Variants in SKAP1 observed in about 807,000 individuals in gnomAD.
SKAP1 encodes src kinase-associated phosphoprotein 1.
SKAP1 carries 44 observed loss-of-function variants against 58.5 expected under a neutral mutation model. That is an observed-to-expected ratio of 0.75 (90% confidence interval 0.59 to 0.97). The LOEUF (loss-of-function observed/expected upper bound fraction) is 0.97, where lower values mean the gene tolerates loss of function less well. Ranked by LOEUF, SKAP1 falls within the 50% of genes least tolerant of loss-of-function variation. The pLI is 0.00. For synonymous variants in SKAP1, 127 were observed against 149.7 expected, an observed-to-expected ratio of 0.85 and a Z score of 1.11; for missense variants, 390 against 435.2, an observed-to-expected ratio of 0.90 and a Z score of 0.92.
chr17:48,138,460 C>T (rs2063728957), intron 11 of SKAP1, among the ~76,000 whole-genome samples: 1 of 151,870 alleles, frequency 6.6e-6, no homozygotes, highest in Non-Finnish European at 1.5e-5. Flanking sequence ...ACCTCCACCT[C>T]CCAGGTTCAA....
At chr17:48,366,149 G>C in intron 2 of SKAP1, among the ~76,000 whole-genome samples, 1 of 152,176 alleles carries the variant, frequency 6.6e-6, no homozygotes, top group East Asian at 1.9e-4. Flanking sequence ...CTTCAGGGAA[G>C]AGTATCAGCC....
intron 4 of SKAP1, among the ~76,000 whole-genome samples, chr17:48,337,533 A>G (rs1260551076): frequency 6.6e-6 from 1 of 152,216 alleles, no homozygotes; most frequent in Non-Finnish European, 1.5e-5. Flanking sequence ...TTGGTATTCA[A>G]TAATGAACTC....
At chr17:48,356,815 T>C (rs1435696461) in intron 3 of SKAP1, among the ~76,000 whole-genome samples, 1 of 152,182 alleles carries the variant, frequency 6.6e-6, no homozygotes, top group African/African-American at 2.4e-5. Context: ...CCCTCAACAG[T>C]GATTACCACT....
chr17:48,196,159 T>C (rs2064626140), intron 4 of SKAP1, among the ~76,000 whole-genome samples: 1 of 152,212 alleles, frequency 6.6e-6, no homozygotes, highest in Non-Finnish European at 1.5e-5. Flanking sequence ...TTGCTGAAGG[T>C]TGCTCAGTTG....
At chr17:48,184,648 C>G (rs1313327497) in intron 7 of SKAP1, 75 bp downstream of exon 7, 1 of 1,578,542 alleles carries the variant, frequency 6.3e-7, no homozygotes, top group Non-Finnish European at 8.7e-7. Flanking sequence ...CCCAGCATAG[C>G]AACCATGGCT....
chr17:48,390,215 A>G (rs982303330), intron 2 of SKAP1, among the ~76,000 whole-genome samples: 2 of 152,218 alleles, frequency 1.3e-5, no homozygotes, highest in African/African-American at 4.8e-5. Flanking sequence ...AACCATCATC[A>G]GTAAGGTCCC....
rs569005183 is a variant in SKAP1, at chr17:48,175,406, C to G, written c.826+4648G>C. On this transcript the variant is annotated intron_variant, in intron 9 of 12. Transcript: ENST00000336915. ...AGAAAAGTAGAAATAAACTGCTCCC[C>G]CGCATGCACAGATATGTTATAAATC... Among the ~76,000 whole-genome samples, 20 of 152,290 alleles carry G rather than the reference C, an allele frequency of 1.3e-4. 1 individual carries two copies. The highest frequency in any genetic ancestry group is 4.6e-4 in the African/African-American group (19 of 41,566).
intron 1 of SKAP1, among the ~76,000 whole-genome samples, chr17:48,421,748 G>A (rs1184653648): frequency 1.3e-5 from 2 of 152,132 alleles, no homozygotes; most frequent in African/African-American, 4.8e-5. Context: ...TGAAACATCA[G>A]GGTAGAAAAA....
chr17:48,200,457 A>C (rs1051017066), intron 4 of SKAP1, among the ~76,000 whole-genome samples: 2 of 147,884 alleles, frequency 1.4e-5, no homozygotes, highest in Admixed American at 1.4e-4. Context: ...GCTCACTGCA[A>C]CCTCCGCCTC....
intron 11 of SKAP1, among the ~76,000 whole-genome samples, chr17:48,145,192 A>C (rs1385047515): frequency 6.6e-6 from 1 of 152,152 alleles, no homozygotes; most frequent in Non-Finnish European, 1.5e-5. Flanking sequence ...TGCTTCTCTC[A>C]ATACCAACCT....
chr17:48,352,732 C>CCCAAAGAT (rs759938554), intron 3 of SKAP1, among the ~76,000 whole-genome samples: 12 of 152,144 alleles, frequency 7.9e-5, no homozygotes, highest in East Asian at 1.9e-4. Context: ...GTATTATTAT[C>CCCAAAGAT]CCAAAGATGA....
At chr17:48,331,149 G>T (rs2066500699) in intron 4 of SKAP1, among the ~76,000 whole-genome samples, 1 of 152,142 alleles carries the variant, frequency 6.6e-6, no homozygotes, top group Non-Finnish European at 1.5e-5. Context: ...TAGCTGCAGA[G>T]AAAGCATTAT....
intron 4 of SKAP1, among the ~76,000 whole-genome samples, chr17:48,327,478 T>G (rs1296687337): frequency 6.6e-6 from 1 of 152,230 alleles, no homozygotes; most frequent in Non-Finnish European, 1.5e-5. Flanking sequence ...TTCTTGCCCA[T>G]GTAAGACATT....
chr17:48,183,183 T>C (rs183539388), intron 7 of SKAP1, among the ~76,000 whole-genome samples: 33 of 151,968 alleles, frequency 2.2e-4, no homozygotes, highest in African/African-American at 7.2e-4. Context: ...TCAATAGTAG[T>C]GAGTAGGAAG....
intron 4 of SKAP1, among the ~76,000 whole-genome samples, chr17:48,204,967 C>CTT (rs1277582494): frequency 2.0e-4 from 11 of 54,526 alleles, no homozygotes; most frequent in African/African-American, 4.2e-4. Context: ...TCTTTCTTTT[C>CTT]TTTTCTTTTC....
In SKAP1 at chr17:48,177,575, C is replaced by T. The variant is rs114958171; in HGVS notation, c.826+2479G>A. Among the ~76,000 whole-genome samples, 685 of 152,056 alleles carry T rather than the reference C, an allele frequency of 4.5e-3. 6 individuals are homozygous for T. The highest frequency in any genetic ancestry group is 0.016 in the African/African-American group (646 of 41,470). Reference sequence around the variant, plus strand: ...AGGATACCATTGCTGTCTCATGTGCCGCTGCTTGGTAGATGGTCTTATGAG... The same window carrying T: ...AGGATACCATTGCTGTCTCATGTGCTGCTGCTTGGTAGATGGTCTTATGAG... On this transcript the variant is annotated intron_variant, in intron 9 of 12. Transcript: ENST00000336915.
intron 2 of SKAP1, among the ~76,000 whole-genome samples, chr17:48,375,262 A>G (rs1314810625): frequency 1.3e-5 from 2 of 152,232 alleles, no homozygotes; most frequent in Non-Finnish European, 2.9e-5. Context: ...GATCACAATC[A>G]AACTTATATT....
chr17:48,356,106 TAGC>T (rs1400211996), intron 3 of SKAP1, among the ~76,000 whole-genome samples: 1 of 151,806 alleles, frequency 6.6e-6, no homozygotes, highest in Non-Finnish European at 1.5e-5. Context: ...ATACAAAAAT[TAGC>T]TGCGCATGGT....
At chr17:48,331,284 A>T (rs1163700172) in intron 4 of SKAP1, among the ~76,000 whole-genome samples, 3 of 152,028 alleles carry the variant, frequency 2.0e-5, no homozygotes, top group Non-Finnish European at 4.4e-5. Context: ...AAAAAAAAAT[A>T]AGTTTAATTT....
Sources: gnomAD v4.1 joint callset for allele counts (sites outside exome capture counted in the v4.1 genomes callset) on GRCh38, gnomAD v4.1.1 for gene constraint, MANE v1.5 for transcripts, NCBI Gene and HGNC (gene_info 2026-07-23, HGNC 2026-07-21) for gene names.